MTDH: variants seen among roughly 807,000 people sequenced by gnomAD.
The protein encoded by MTDH is metadherin.
Under a neutral mutation model 72.7 loss-of-function variants are expected in MTDH, and 34 were observed. The ratio of observed to expected loss-of-function variants is 0.47; its 90% CI spans 0.36 to 0.62. MTDH has a LOEUF of 0.62. MTDH is among the 20% of genes least tolerant of loss of function. The pLI, the probability that MTDH is intolerant of heterozygous loss-of-function variation, is 0.00. For synonymous variants in MTDH, 266 were observed against 268.9 expected, an observed-to-expected ratio of 0.99 and a Z score of 0.10; for missense variants, 677 against 699.4, an observed-to-expected ratio of 0.97 and a Z score of 0.36.
chr8:97,649,002 C>T (rs1242986829), intron 1 of MTDH, among the ~76,000 whole-genome samples: 1 of 152,138 alleles, frequency 6.6e-6, no homozygotes, highest in Non-Finnish European at 1.5e-5. Context: ...ATAATGACCC[C>T]ATAAGATTAT....
At chr8:97,717,212 G>A (rs1319571575) in intron 9 of MTDH, among the ~76,000 whole-genome samples, 1 of 152,064 alleles carries the variant, frequency 6.6e-6, no homozygotes, top group Admixed American at 6.6e-5. Context: ...TCATAAAATA[G>A]AACATCAGTG....
chr8:97,709,187 C>CCT (rs1814516040), intron 8 of MTDH, among the ~76,000 whole-genome samples: 1 of 145,806 alleles, frequency 6.9e-6, no homozygotes, highest in African/African-American at 2.7e-5. Context: ...TAGCGAGACT[C>CCT]CATCTCAAAA....
rs1037887698 is a variant in MTDH, at chr8:97,706,727, G to C, written c.1249G>C (p.Glu417Gln). 6.2e-7 allele frequency: 1 copy of C among 1,613,672 alleles called. No individual in the cohort carries two copies. Among genetic ancestry groups the C allele is most frequent in the Non-Finnish European group, 8.5e-7 (1 of 1,179,846 alleles). Residue 417 changes from glutamate to glutamine, a missense_variant, in exon 8 of 12, where the codon GAA becomes CAA. Glu to Gln is a conservative substitution (Grantham distance 29, BLOSUM62 2). Coordinates refer to ENST00000336273, the MANE Select transcript of MTDH (RefSeq NM_178812.4). The part of the protein sequence containing the change: ...EERASLLKSQ[E>Q]PIPDDQKVSD... ...AAGAGCTTCACTTCTAAAGTCCCAG[G>C]AACCAATTCCTGATGATCAAAAGGT...
chr8:97,689,231 A>T, intron 5 of MTDH, 128 bp downstream of exon 5: 1 of 502,008 alleles, frequency 2.0e-6, no homozygotes, highest in Non-Finnish European at 3.6e-6. Flanking sequence ...TAATTAATAA[A>T]GTAACATAAT....
intron 2 of MTDH, among the ~76,000 whole-genome samples, chr8:97,686,141 T>C (rs2130998070): frequency 6.6e-6 from 1 of 152,346 alleles, no homozygotes; most frequent in Non-Finnish European, 1.5e-5. Context: ...ACAGCAACAA[T>C]CTGCTTTATG....
chr8:97,682,843 G>A (rs1813190464), intron 2 of MTDH, among the ~76,000 whole-genome samples: 1 of 151,824 alleles, frequency 6.6e-6, no homozygotes, highest in Non-Finnish European at 1.5e-5. Flanking sequence ...TATGAGGTTA[G>A]TAGGAATTTT....
intron 2 of MTDH, among the ~76,000 whole-genome samples, chr8:97,675,824 A>T (rs1304636478): frequency 6.6e-6 from 1 of 151,984 alleles, no homozygotes; most frequent in Non-Finnish European, 1.5e-5. Context: ...GTGAGCCGAG[A>T]TCATGCCACT....
chr8:97,710,683 CAAAAAAAAAAAAA>C (rs376391821), intron 8 of MTDH, among the ~76,000 whole-genome samples: 6 of 53,110 alleles, frequency 1.1e-4, no homozygotes, highest in Admixed American at 2.6e-4. Context: ...GAGACTATCT[CAAAAAAAAAAAAA>C]AAAAAAAAAA....
rs1346289360 is a variant in MTDH, at chr8:97,644,953, G to A, written c.381+66G>A. The A allele has an allele frequency of 1.2e-5, 17 of 1,461,384 alleles. 1 individual carries two copies. In the Admixed American group the frequency reaches 2.9e-4, roughly 25 times the overall value. 90.5% of individuals were successfully genotyped at this position (1,461,384 alleles called of 1,614,324 possible). On this transcript the variant is annotated intron_variant, in intron 1 of 11. Transcript: ENST00000336273. The stretch of plus-strand genomic sequence containing the variant: ...CGGGCGTGGAGACCCTCGAGCTTGG[G>A]GGAGGCCGCGCCCCAGCCGGGAAGG...
At chr8:97,692,010 G>C (rs1813628366) in intron 6 of MTDH, among the ~76,000 whole-genome samples, 1 of 152,072 alleles carries the variant, frequency 6.6e-6, no homozygotes, top group African/African-American at 2.4e-5. Context: ...CTCCCGAGTA[G>C]CTGGGATTAT....
At chr8:97,650,959 A>T (rs965673516) in intron 1 of MTDH, among the ~76,000 whole-genome samples, 7 of 152,230 alleles carry the variant, frequency 4.6e-5, no homozygotes, top group African/African-American at 1.7e-4. Context: ...ATAGTCATTC[A>T]GCAAGTATCT....
chr8:97,647,436 A>T (rs910781402), intron 1 of MTDH, among the ~76,000 whole-genome samples: 10 of 152,036 alleles, frequency 6.6e-5, no homozygotes, highest in Admixed American at 2.0e-4. Context: ...GGTGGTGTGC[A>T]CCTGTAGTCC....
At chr8:97,710,683 C>CAA (rs376391821) in intron 8 of MTDH, among the ~76,000 whole-genome samples, 22 of 53,122 alleles carry the variant, frequency 4.1e-4, no homozygotes, top group Non-Finnish European at 6.9e-4. Flanking sequence ...GAGACTATCT[C>CAA]AAAAAAAAAA....
chr8:97,647,630 AG>A (rs1439470552), intron 1 of MTDH, among the ~76,000 whole-genome samples: 7 of 152,220 alleles, frequency 4.6e-5, no homozygotes, highest in Non-Finnish European at 1.0e-4. Context: ...TCAGCCTGGC[AG>A]GAATGGGAAA....
In MTDH at chr8:97,653,881, T is replaced by C. The variant is rs1219752755; in HGVS notation, c.382-7191T>C. On this transcript the variant is annotated intron_variant, in intron 1 of 11. Transcript: ENST00000336273. ...CAGAATGTCTTAGACATTTTTCTTCTAAGAAAGAATTATACAGATGTGTAT... is the reference window on the plus strand; with the variant it reads ...CAGAATGTCTTAGACATTTTTCTTCCAAGAAAGAATTATACAGATGTGTAT... Among the ~76,000 whole-genome samples, 3 of 152,362 alleles carry C rather than the reference T, an allele frequency of 2.0e-5. No homozygotes were observed. In the East Asian group the frequency reaches 5.8e-4, roughly 29 times the overall value.
intron 1 of MTDH, among the ~76,000 whole-genome samples, chr8:97,657,833 T>C (rs1183868456): frequency 6.6e-6 from 1 of 152,166 alleles, no homozygotes; most frequent in East Asian, 1.9e-4. Flanking sequence ...GTAAAACCCA[T>C]ATTGACAATC....
chr8:97,674,671 A>T (rs1172607618), intron 2 of MTDH, among the ~76,000 whole-genome samples: 1 of 152,246 alleles, frequency 6.6e-6, no homozygotes, highest in Non-Finnish European at 1.5e-5. Flanking sequence ...ATATTACAAA[A>T]ATGAAAATGT....
chr8:97,719,034 T>A lies in MTDH; in HGVS notation c.1381-15T>A. On this transcript the variant is annotated splice_polypyrimidine_tract_variant and intron_variant, in intron 9 of 11. Transcript: ENST00000336273. Reference sequence around the variant, plus strand: ...GAATGCTTTATATAATCTAATAGGTTATTTTTCTCTATAGGACACAGAAGA... The same window carrying A: ...GAATGCTTTATATAATCTAATAGGTAATTTTTCTCTATAGGACACAGAAGA... The A allele has an allele frequency of 6.3e-7, 1 of 1,576,820 alleles. No individual in the cohort carries two copies. Among genetic ancestry groups the A allele is most frequent in the Non-Finnish European group, 8.6e-7 (1 of 1,160,478 alleles).
Position 97,686,761 on chromosome 8 carries a change from G to GC in MTDH, c.568+10dup, listed in dbSNP as rs1563545760. 8 of 1,584,302 alleles carry GC rather than the reference G, an allele frequency of 5.0e-6. No homozygotes were observed. The highest frequency in any genetic ancestry group is 6.9e-6 in the Non-Finnish European group (8 of 1,164,466). The stretch of plus-strand genomic sequence containing the variant: ...AAAGGAAGTTGATGAAGGTACTTGA[G>GC]CAAGGGAAAGGACTGTAGAAAATTT... On this transcript the variant is annotated intron_variant, in intron 3 of 11. Coordinates refer to ENST00000336273, the MANE Select transcript of MTDH (RefSeq NM_178812.4).
Sources: allele counts gnomAD v4.1 joint callset (sites outside exome capture counted in the v4.1 genomes callset), GRCh38; gene constraint gnomAD v4.1.1; transcripts MANE v1.5; gene names NCBI Gene and HGNC (gene_info 2026-07-23, HGNC 2026-07-21).